The following AUTS2 variants were observed in gnomAD, a reference collection of about 807,000 sequenced individuals.
The protein encoded by AUTS2 is activator of transcription and developmental regulator AUTS2.
A neutral mutation model predicts 112.4 loss-of-function variants in AUTS2; 17 were observed. That is an observed-to-expected ratio of 0.15 (90% confidence interval 0.10 to 0.23). AUTS2 has a LOEUF of 0.23. Among genes scored for constraint, AUTS2 ranks in the 10% least tolerant of loss-of-function variants. The pLI is 1.00. For synonymous variants in AUTS2, 751 were observed against 702.7 expected (o/e 1.07, Z -1.09); for missense variants, 1,510 against 1,701.6 (o/e 0.89, Z 1.98).
In AUTS2 at chr7:70,790,426, C is replaced by T; in HGVS notation, c.3210C>T (p.Pro1070=). 6.2e-7 allele frequency: 1 copy of T among 1,612,896 alleles called. No homozygotes were observed. Among genetic ancestry groups the T allele is most frequent in the African/African-American group, 1.3e-5 (1 of 75,064 alleles). ...CGTACCCTTCTTTCCACTGGGACCC[C>T]ATCCGGGACCCCTTGAGGGATCCTT... The part of the protein sequence containing the change: ...RFPYPSFHWD[P]IRDPLRDPYR... The change falls in exon 19 of 19, where the codon CCC becomes CCT. Residue 1070 remains proline, a synonymous_variant. Transcript: ENST00000342771. The surrounding 1 kb of genome is among the most constrained non-coding windows in gnomAD (Gnocchi z 7.6).
intron 6 of AUTS2, among the ~76,000 whole-genome samples, chr7:70,704,841 G>A (rs1469563212): frequency 6.6e-6 from 1 of 152,158 alleles, no homozygotes; most frequent in Non-Finnish European, 1.5e-5. Context: ...ATTTAACTAG[G>A]TTTCTTTTTG....
At chr7:69,907,543 A>G (rs1795196170) in intron 2 of AUTS2, among the ~76,000 whole-genome samples, 1 of 152,212 alleles carries the variant, frequency 6.6e-6, no homozygotes, top group Non-Finnish European at 1.5e-5. Context: ...AATACCTAGT[A>G]CAGTGTAAAA....
At chr7:69,957,575 ATATT>A (rs1797267019) in intron 2 of AUTS2, among the ~76,000 whole-genome samples, 1 of 151,692 alleles carries the variant, frequency 6.6e-6, no homozygotes, top group Non-Finnish European at 1.5e-5. Context: ...AGTTACATAT[ATATT>A]GGGGAATATG....
chr7:70,023,701 G>C (rs1051249615), intron 2 of AUTS2, among the ~76,000 whole-genome samples: 3 of 152,114 alleles, frequency 2.0e-5, no homozygotes, highest in Admixed American at 2.0e-4. Context: ...TCACTAAAAT[G>C]GTTTCCAAGT....
Position 70,544,868 on chromosome 7 carries a change from T to A in AUTS2, c.690+109087T>A, listed in dbSNP as rs137870450. ...CATGAAGACGGCTTATTTACCTGGG[T>A]CTCAGTTCTGAAGATTGTTTCCAGG... On this transcript the variant is annotated intron_variant, in intron 5 of 18. Coordinates refer to ENST00000342771, the MANE Select transcript of AUTS2 (RefSeq NM_015570.4). 3.4e-4 allele frequency among the ~76,000 whole-genome samples: 52 copies of A among 152,188 alleles called. No individual in the cohort carries two copies. The East Asian group carries it at 9.5e-3, about 28-fold the overall frequency.
In AUTS2 at chr7:70,257,824, T is replaced by A. The variant is rs1786963706; in HGVS notation, c.660+123253T>A. On this transcript the variant is annotated intron_variant, in intron 4 of 18. Coordinates refer to ENST00000342771, the MANE Select transcript of AUTS2 (RefSeq NM_015570.4). ...GGGTAGATCCAAGGATCTGACATCATTTTCATACATCCTGTTCAGTGTGTG... is the reference window on the plus strand; with the variant it reads ...GGGTAGATCCAAGGATCTGACATCAATTTCATACATCCTGTTCAGTGTGTG... 2.0e-5 allele frequency among the ~76,000 whole-genome samples: 3 copies of A among 152,076 alleles called. No homozygotes were observed. In the South Asian group the frequency reaches 6.2e-4, roughly 31 times the overall value.
At chr7:69,712,759 A>G (rs867827964) in intron 1 of AUTS2, among the ~76,000 whole-genome samples, 1 of 152,098 alleles carries the variant, frequency 6.6e-6, no homozygotes, top group Non-Finnish European at 1.5e-5. Flanking sequence ...GGCTGGGTAA[A>G]TGGGCAGGTG....
chr7:70,507,309 C>G (rs58726913), intron 5 of AUTS2, among the ~76,000 whole-genome samples: 2,872 of 152,026 alleles, frequency 0.019, 74 homozygotes, highest in African/African-American at 0.063. Flanking sequence ...GAGGCTGAGG[C>G]GGGAGGATCG....
chr7:70,626,133 G>A (rs1445131997), intron 5 of AUTS2, among the ~76,000 whole-genome samples: 4 of 151,772 alleles, frequency 2.6e-5, no homozygotes, highest in African/African-American at 9.7e-5. Context: ...GGCTGGTCTC[G>A]AACTCCTGAC....
rs1294120199 is a variant in AUTS2, at chr7:69,975,531, G to GT, written c.522+76039dup. Among the ~76,000 whole-genome samples the GT allele has an allele frequency of 4.0e-5, 6 of 151,768 alleles. No individual in the cohort carries two copies. The East Asian group carries it at 9.7e-4, about 25-fold the overall frequency. ...TAATCCCACAGATACCTGATACTCT[G>GT]TTTTTTGTTGTTGTTTTGTTTGTTT... On this transcript the variant is annotated intron_variant, in intron 2 of 18. Coordinates refer to ENST00000342771, the MANE Select transcript of AUTS2 (RefSeq NM_015570.4).
chr7:70,312,290 TTTC>T (rs1460800928), intron 4 of AUTS2, among the ~76,000 whole-genome samples: 1 of 152,020 alleles, frequency 6.6e-6, no homozygotes, highest in East Asian at 1.9e-4. Context: ...AGCTTATTTT[TTTC>T]TTCTTTGGGT....
At chr7:69,776,852 T>A (rs887233375) in intron 1 of AUTS2, among the ~76,000 whole-genome samples, 12 of 152,212 alleles carry the variant, frequency 7.9e-5, no homozygotes, top group African/African-American at 2.9e-4. Context: ...TTAAAAAAAA[T>A]ATAAGCTGTG....
At chr7:70,363,793 A>G (rs944259617) in intron 4 of AUTS2, among the ~76,000 whole-genome samples, 1 of 152,092 alleles carries the variant, frequency 6.6e-6, no homozygotes, top group Admixed American at 6.5e-5. Context: ...CTCAAATAAC[A>G]TTTTTTCCTA....
At chr7:70,443,666 G>A (rs1796206781) in intron 5 of AUTS2, among the ~76,000 whole-genome samples, 1 of 152,178 alleles carries the variant, frequency 6.6e-6, no homozygotes, top group Non-Finnish European at 1.5e-5. Context: ...CAGACCTGAT[G>A]TCTAAACAGG....
intron 1 of AUTS2, among the ~76,000 whole-genome samples, chr7:69,726,934 A>G (rs1414591680): frequency 1.3e-5 from 2 of 152,186 alleles, no homozygotes; most frequent in Non-Finnish European, 2.9e-5. Flanking sequence ...CCAGATATAC[A>G]TAATGTGAGT....
intron 2 of AUTS2, among the ~76,000 whole-genome samples, chr7:69,901,049 G>A (rs966358726): frequency 1.3e-5 from 2 of 152,068 alleles, no homozygotes; most frequent in Non-Finnish European, 2.9e-5. Context: ...AAGGAGCCAG[G>A]GTTTAGACCC....
intron 1 of AUTS2, among the ~76,000 whole-genome samples, chr7:69,658,354 T>A (rs143137007): frequency 2.6e-5 from 4 of 152,250 alleles, no homozygotes; most frequent in Non-Finnish European, 5.9e-5. Flanking sequence ...AATAGAGTTA[T>A]TCTGATCCTA....
At chr7:70,621,840 T>TC in intron 5 of AUTS2, among the ~76,000 whole-genome samples, 1 of 121,200 alleles carries the variant, frequency 8.3e-6, no homozygotes. Flanking sequence ...GTCATTCTCT[T>TC]TTTTTTTTTT....
At chr7:69,624,164 C>T (rs886491313) in intron 1 of AUTS2, among the ~76,000 whole-genome samples, 1 of 152,296 alleles carries the variant, frequency 6.6e-6, no homozygotes, top group East Asian at 1.9e-4. Context: ...TCTATCTTTT[C>T]TGCAATCTGT....
Sources: allele counts gnomAD v4.1 joint callset (sites outside exome capture counted in the v4.1 genomes callset), GRCh38; gene constraint gnomAD v4.1.1; non-coding constraint Gnocchi (gnomAD v3.1); transcripts MANE v1.5; gene names NCBI Gene and HGNC (gene_info 2026-07-23, HGNC 2026-07-21).